COL26A1: variants seen among roughly 807,000 people sequenced by gnomAD.
COL26A1 encodes the protein collagen type XXVI alpha 1 chain.
COL26A1 carries 41 observed loss-of-function variants against 59.3 expected under a neutral mutation model. The ratio of observed to expected loss-of-function variants is 0.69; its 90% CI spans 0.54 to 0.90. The LOEUF is 0.90. Ranked by LOEUF, COL26A1 falls within the 40% of genes least tolerant of loss-of-function variation. COL26A1 has a pLI of 0.00. For missense variants in COL26A1, 612 were observed against 602.3 expected (o/e 1.02, Z -0.17); for synonymous variants, 266 against 256.0 (o/e 1.04, Z -0.37).
At chr7:101,510,311 C>T (rs2130582910) in intron 3 of COL26A1, among the ~76,000 whole-genome samples, 1 of 152,260 alleles carries the variant, frequency 6.6e-6, no homozygotes, top group Admixed American at 6.5e-5. Flanking sequence ...CAGGCGTGAG[C>T]CACTGCACCC....
At chr7:101,527,024 G>T (rs1795261282) in intron 3 of COL26A1, among the ~76,000 whole-genome samples, 1 of 152,156 alleles carries the variant, frequency 6.6e-6, no homozygotes, top group African/African-American at 2.4e-5. Flanking sequence ...AGGCTGGAGT[G>T]CAGTGGCACA....
At chr7:101,450,410 G>C (rs1028476283) in intron 3 of COL26A1, among the ~76,000 whole-genome samples, 2 of 152,136 alleles carry the variant, frequency 1.3e-5, no homozygotes, top group African/African-American at 4.8e-5. Flanking sequence ...GCTGGTACCA[G>C]GTGGTGCAAG....
At chr7:101,534,117 G>C (rs1230672356) in intron 4 of COL26A1, among the ~76,000 whole-genome samples, 2 of 152,218 alleles carry the variant, frequency 1.3e-5, no homozygotes, top group African/African-American at 4.8e-5. Context: ...TATCTACAAA[G>C]CCTCTTGGGA....
rs542802685 is a variant in COL26A1 at position 101,481,504 on chromosome 7, T to C, written c.385+33717T>C. Among the ~76,000 whole-genome samples, 4 of 150,970 alleles carry C rather than the reference T, an allele frequency of 2.6e-5. No homozygotes were observed. In the East Asian group the frequency reaches 7.8e-4, roughly 29 times the overall value. ...GGACTCACTGTCACCCCGGCTGGAGTGCATGGCACGGTCATAGCTCACTGC... is the reference window on the plus strand; with the variant it reads ...GGACTCACTGTCACCCCGGCTGGAGCGCATGGCACGGTCATAGCTCACTGC... On this transcript the variant is annotated intron_variant, in intron 3 of 12. Transcript: ENST00000313669.
intron 1 of COL26A1, among the ~76,000 whole-genome samples, chr7:101,368,908 G>GA (rs775723364): frequency 0.58 from 87,523 of 151,072 alleles, 26,904 homozygotes; most frequent in African/African-American, 0.8. Flanking sequence ...CTCAAAATCT[G>GA]GCTCTTTCCA....
intron 1 of COL26A1, among the ~76,000 whole-genome samples, chr7:101,387,778 A>ATGTTTTTTT (rs773025730): frequency 1.2e-5 from 1 of 84,836 alleles, no homozygotes; most frequent in African/African-American, 5.0e-5. Flanking sequence ...ATATATATAT[A>ATGTTTTTTT]TTTTTTTTTA....
chr7:101,444,692 C>T (rs1425780394), intron 2 of COL26A1, among the ~76,000 whole-genome samples: 2 of 149,794 alleles, frequency 1.3e-5, no homozygotes, highest in African/African-American at 2.5e-5. Flanking sequence ...TGGAATTACA[C>T]GCGTGAGCCA....
chr7:101,395,221 G>A (rs1295390677), intron 1 of COL26A1, among the ~76,000 whole-genome samples: 1 of 152,122 alleles, frequency 6.6e-6, no homozygotes, highest in Non-Finnish European at 1.5e-5. Flanking sequence ...CGAATGTCCT[G>A]TTGTGAGATC....
rs766740236 is a variant in COL26A1 at position 101,447,833 on chromosome 7, G to T, written c.385+46G>T. 8.8e-6 allele frequency: 11 copies of T among 1,244,264 alleles called. No homozygotes were observed. The East Asian group carries it at 2.7e-4, about 31-fold the overall frequency. The allele number at this position is 1,244,264 out of a possible 1,614,324, so 77.1% of individuals were successfully genotyped here. The stretch of plus-strand genomic sequence containing the variant: ...GCTGCAGGGGGCCAGGCGTGGGCCA[G>T]GCTGGAGTTTCTCCCTTCTCTGGCC... On this transcript the variant is annotated intron_variant, in intron 3 of 12. Coordinates refer to ENST00000313669, the MANE Select transcript of COL26A1 (RefSeq NM_001278563.3).
chr7:101,402,537 T>C (rs545104309), intron 1 of COL26A1, among the ~76,000 whole-genome samples: 34 of 152,006 alleles, frequency 2.2e-4, no homozygotes, highest in African/African-American at 7.7e-4. Context: ...TTCTCTTTCT[T>C]TTCTTCTTTC....
At chr7:101,416,958 G>T (rs537595831) in intron 1 of COL26A1, among the ~76,000 whole-genome samples, 1 of 104,930 alleles carries the variant, frequency 9.5e-6, no homozygotes. Flanking sequence ...GCCCAGGCTG[G>T]TCTAAACTCC....
At position 101,553,629 on chromosome 7, in the gene COL26A1, G is replaced by T. The variant is rs3800981; in HGVS notation, c.1080+253G>T. Reference sequence around the variant, plus strand: ...CACAGAGGGGGTGATTGGCCCTTGGGGGGGCTTCCCGGGACAGGGAGAGGA... The same window carrying T: ...CACAGAGGGGGTGATTGGCCCTTGGTGGGGCTTCCCGGGACAGGGAGAGGA... On this transcript the variant is annotated intron_variant, in intron 11 of 12. Coordinates refer to ENST00000313669, the MANE Select transcript of COL26A1 (RefSeq NM_001278563.3). Among the ~76,000 whole-genome samples, 21,050 of 152,188 alleles carry T rather than the reference G, an allele frequency of 0.14. 1,776 individuals are homozygous for T. Among genetic ancestry groups the T allele is most frequent in the Middle Eastern group, 0.23 (69 of 294 alleles).
At chr7:101,470,096 C>CT (rs199558276) in intron 3 of COL26A1, among the ~76,000 whole-genome samples, 20 of 148,876 alleles carry the variant, frequency 1.3e-4, no homozygotes, top group Admixed American at 5.4e-4. Context: ...AATGGATTGC[C>CT]TTTTTTTTTG....
chr7:101,378,756 T>G (rs192424593), intron 1 of COL26A1, among the ~76,000 whole-genome samples: 237 of 152,144 alleles, frequency 1.6e-3, no homozygotes, highest in Non-Finnish European at 2.9e-3. Context: ...CCCACCCCCT[T>G]TCTTGTTCTG....
chr7:101,456,152 G>GTA (rs72074261), intron 3 of COL26A1, among the ~76,000 whole-genome samples: 10,753 of 108,648 alleles, frequency 0.099, 1,170 homozygotes, highest in African/African-American at 0.33. Flanking sequence ...ATTACTGTAA[G>GTA]TATATATATA....
At chr7:101,418,166 C>T (rs1415022963) in intron 1 of COL26A1, among the ~76,000 whole-genome samples, 2 of 152,110 alleles carry the variant, frequency 1.3e-5, no homozygotes, top group African/African-American at 2.4e-5. Context: ...CACTCAGCCT[C>T]CAATGCCTGA....
chr7:101,504,465 C>A (rs1005623692), intron 3 of COL26A1, among the ~76,000 whole-genome samples: 1 of 152,142 alleles, frequency 6.6e-6, no homozygotes, highest in South Asian at 2.1e-4. Flanking sequence ...CCAGGGCCAA[C>A]CTCCTCCCCT....
chr7:101,539,508 GT>G (rs367925398), intron 4 of COL26A1, among the ~76,000 whole-genome samples: 1 of 151,918 alleles, frequency 6.6e-6, no homozygotes, highest in African/African-American at 2.4e-5. Flanking sequence ...TTTATTTTTT[GT>G]AGAGATGGGG....
At chr7:101,435,815 T>C (rs1792901060) in intron 2 of COL26A1, among the ~76,000 whole-genome samples, 1 of 152,128 alleles carries the variant, frequency 6.6e-6, no homozygotes, top group Non-Finnish European at 1.5e-5. Flanking sequence ...GAGCCAACCT[T>C]TTCCAGATGT....
Sources: allele counts gnomAD v4.1 joint callset (sites outside exome capture counted in the v4.1 genomes callset), GRCh38; gene constraint gnomAD v4.1.1; transcripts MANE v1.5; gene names NCBI Gene and HGNC (gene_info 2026-07-23, HGNC 2026-07-21).